DACH2: variants seen among roughly 807,000 people sequenced by gnomAD.
DACH2 encodes the protein dachshund homolog 2.
DACH2 carries 17 observed loss-of-function variants against 35.8 expected under a neutral mutation model. The ratio of observed to expected loss-of-function variants is 0.48; its 90% CI spans 0.33 to 0.71. DACH2 has a LOEUF of 0.71. Among genes scored for constraint, DACH2 ranks in the 30% least tolerant of loss-of-function variants. DACH2 has a pLI of 0.02. For missense variants in DACH2, 469 were observed against 472.7 expected (o/e 0.99, Z 0.07); for synonymous variants, 195 against 177.3 (o/e 1.10, Z -0.79).
chrX:86,501,806 C>A (rs1279726773), intron 2 of DACH2, among the ~76,000 whole-genome samples: 1 of 111,599 alleles, frequency 9.0e-6, no homozygotes, highest in Non-Finnish European at 1.9e-5. Flanking sequence ...ATTCAGTGTG[C>A]TTGTCTCCTG....
intron 1 of DACH2, chrX:86,161,025 G>T: frequency 2.0e-6 from 2 of 978,315 alleles, no homozygotes; most frequent in Non-Finnish European, 2.9e-6. Context: ...TCCCTTGAAC[G>T]AAGGCACGTT....
At chrX:86,470,158 G>T (rs188670178) in intron 2 of DACH2, among the ~76,000 whole-genome samples, 1 of 111,254 alleles carries the variant, frequency 9.0e-6, no homozygotes, top group Admixed American at 9.6e-5. Context: ...AAGTCTTCAC[G>T]TGTAGGTCTG....
intron 1 of DACH2, among the ~76,000 whole-genome samples, chrX:86,190,680 C>T (rs190128803): frequency 2.5e-4 from 28 of 112,226 alleles, no homozygotes; most frequent in African/African-American, 9.0e-4. Context: ...CGCGGTGGCT[C>T]ACGCCTGTAA....
At position 86,272,199 on chromosome X, in the gene DACH2, A is replaced by AGTGTGTGTGT. The variant is rs139733313; in HGVS notation, c.489-104606_489-104597dup. On this transcript the variant is annotated intron_variant, in intron 1 of 11. Coordinates refer to ENST00000373125, the MANE Select transcript of DACH2 (RefSeq NM_053281.3). Reference sequence around the variant, plus strand: ...AATGGCTGAATAGTATTCCTTTGAGAGTGTGTGTGTGTGTGTGTGTGTGTG... The same window carrying AGTGTGTGTGT: ...AATGGCTGAATAGTATTCCTTTGAGAGTGTGTGTGTGTGTGTGTGTGTGTGTGTGTGTGTG... 4.4e-3 allele frequency among the ~76,000 whole-genome samples: 445 copies of AGTGTGTGTGT among 100,473 alleles called. 1 individual carries two copies. The highest frequency in any genetic ancestry group is 0.015 in the African/African-American group (407 of 27,258). The allele number at this position is 100,473 out of a possible 115,157, so 87.2% of individuals were successfully genotyped here.
chrX:86,455,528 A>C (rs2148202945), intron 2 of DACH2, among the ~76,000 whole-genome samples: 1 of 112,248 alleles, frequency 8.9e-6, no homozygotes, highest in Admixed American at 9.4e-5. Flanking sequence ...GAAGAGGAAT[A>C]GATTGGGGTC....
intron 1 of DACH2, among the ~76,000 whole-genome samples, chrX:86,216,472 T>C (rs2032575172): frequency 9.1e-6 from 1 of 109,981 alleles, no homozygotes; most frequent in East Asian, 2.9e-4. Flanking sequence ...AGGTTTTCTG[T>C]CCTTGTGATA....
chrX:86,818,452 A>G (rs1325484263), intron 11 of DACH2, among the ~76,000 whole-genome samples: 2 of 111,534 alleles, frequency 1.8e-5, no homozygotes, highest in African/African-American at 3.2e-5. Context: ...AGTAATAAAA[A>G]CATTACTTTT....
At chrX:86,482,601 G>A (rs1265692662) in intron 2 of DACH2, among the ~76,000 whole-genome samples, 1 of 108,300 alleles carries the variant, frequency 9.2e-6, no homozygotes, top group East Asian at 2.9e-4. Flanking sequence ...AGATCCCTGA[G>A]GAATCGCCAC....
At chrX:86,810,849 T>C (rs1462948956) in intron 7 of DACH2, among the ~76,000 whole-genome samples, 1 of 111,227 alleles carries the variant, frequency 9.0e-6, no homozygotes, top group Non-Finnish European at 1.9e-5. Context: ...ACCACTGACT[T>C]TATAAAAAAA....
intron 2 of DACH2, among the ~76,000 whole-genome samples, chrX:86,416,027 C>T (rs2148150446): frequency 1.8e-5 from 2 of 111,710 alleles, no homozygotes; most frequent in Non-Finnish European, 3.8e-5. Flanking sequence ...CAACATATTG[C>T]TAATTTATAT....
intron 3 of DACH2, among the ~76,000 whole-genome samples, chrX:86,540,402 CA>C (rs894672859): frequency 1.8e-5 from 2 of 111,052 alleles, no homozygotes; most frequent in African/African-American, 3.3e-5. Context: ...ACCATCATGC[CA>C]AAAAAAATAT....
In DACH2 at chrX:86,282,774, CTTTT is replaced by C. The variant is rs746321715; in HGVS notation, c.489-94032_489-94029del. Among the ~76,000 whole-genome samples the C allele has an allele frequency of 1.6e-4, 6 of 37,753 alleles. 2 individuals carry two copies. The highest frequency in any genetic ancestry group is 1.5e-3 in the African/African-American group (5 of 3,273). The allele number at this position is 37,753 out of a possible 115,157, so 32.8% of individuals were successfully genotyped here. On this transcript the variant is annotated intron_variant, in intron 1 of 11. Coordinates refer to ENST00000373125, the MANE Select transcript of DACH2 (RefSeq NM_053281.3). ...GGGCAAATGCTATGAACAGACACTT[CTTTT>C]TTTTTTTTTTTTTTTTTGAGACGGA...
Position 86,778,846 on chromosome X carries a change from T to C in DACH2, c.1241-34010T>C, listed in dbSNP as rs146156528. Reference sequence around the variant, plus strand: ...GGCTGGTCTTGAACTCCTGAACTGGTGATCTACCCGCCTTGGCCTCCCAAA... The same window carrying C: ...GGCTGGTCTTGAACTCCTGAACTGGCGATCTACCCGCCTTGGCCTCCCAAA... On this transcript the variant is annotated intron_variant, in intron 7 of 11. Coordinates refer to ENST00000373125, the MANE Select transcript of DACH2 (RefSeq NM_053281.3). 7.1e-3 allele frequency among the ~76,000 whole-genome samples: 792 copies of C among 111,641 alleles called. 9 individuals are homozygous for C. Among genetic ancestry groups the C allele is most frequent in the African/African-American group, 0.024 (749 of 30,665 alleles).
intron 1 of DACH2, among the ~76,000 whole-genome samples, chrX:86,319,721 T>G: frequency 8.9e-6 from 1 of 112,536 alleles, no homozygotes; most frequent in Non-Finnish European, 1.9e-5. Context: ...TTTTTAAAGA[T>G]TAAAGTTCCG....
chrX:86,509,454 G>GA (rs1272196753), intron 2 of DACH2, among the ~76,000 whole-genome samples: 1 of 111,621 alleles, frequency 9.0e-6, no homozygotes, highest in Non-Finnish European at 1.9e-5. Context: ...CCTGGTTGCT[G>GA]AATTGGTTGC....
At chrX:86,168,164 T>C in intron 1 of DACH2, among the ~76,000 whole-genome samples, 1 of 111,740 alleles carries the variant, frequency 8.9e-6, no homozygotes, top group Non-Finnish European at 1.9e-5. Context: ...TCAATTTGGG[T>C]TTATCTCTCT....
At chrX:86,255,859 G>A (rs1349565481) in intron 1 of DACH2, among the ~76,000 whole-genome samples, 2 of 111,343 alleles carry the variant, frequency 1.8e-5, no homozygotes, top group African/African-American at 6.5e-5. Context: ...CAAAATTAAA[G>A]GAAACACACA....
chrX:86,576,139 G>T (rs893808979), intron 3 of DACH2, among the ~76,000 whole-genome samples: 2 of 111,836 alleles, frequency 1.8e-5, no homozygotes, highest in Non-Finnish European at 3.8e-5. Flanking sequence ...AGATAAAGAA[G>T]ATAGCATTTG....
At chrX:86,320,122 G>A (rs1346590773) in intron 1 of DACH2, among the ~76,000 whole-genome samples, 1 of 111,338 alleles carries the variant, frequency 9.0e-6, no homozygotes, top group Non-Finnish European at 1.9e-5. Context: ...TTCCCTAGGA[G>A]TCCCTGGCCA....
Sources: gnomAD v4.1 joint callset for allele counts (sites outside exome capture counted in the v4.1 genomes callset) on GRCh38, gnomAD v4.1.1 for gene constraint, MANE v1.5 for transcripts, NCBI Gene and HGNC (gene_info 2026-07-23, HGNC 2026-07-21) for gene names.